ERC2: variants seen among roughly 807,000 people sequenced by gnomAD.
The protein encoded by ERC2 is ELKS/RAB6-interacting/CAST family member 2.
Under a neutral mutation model 114.8 loss-of-function variants are expected in ERC2, and 42 were observed. That is an observed-to-expected ratio of 0.37 (90% confidence interval 0.29 to 0.47). The LOEUF (loss-of-function observed/expected upper bound fraction) is 0.47, where lower values mean the gene tolerates loss of function less well. ERC2 is among the 20% of genes least tolerant of loss of function. The probability of loss-of-function intolerance (pLI) is 0.99; values close to 1 mark genes in which losing one functional copy is unlikely to be tolerated. For synonymous variants in ERC2, 454 were observed against 425.5 expected, an observed-to-expected ratio of 1.07 and a Z score of -0.82; for missense variants, 939 against 1,150.7, an observed-to-expected ratio of 0.82 and a Z score of 2.66.
intron 17 of ERC2, among the ~76,000 whole-genome samples, chr3:55,579,491 T>G (rs1047649554): frequency 6.6e-6 from 1 of 152,216 alleles, no homozygotes. Flanking sequence ...GGTCATGTTA[T>G]AATGAGGTTT....
chr3:55,771,505 A>G (rs1334124170), intron 14 of ERC2, among the ~76,000 whole-genome samples: 1 of 152,136 alleles, frequency 6.6e-6, no homozygotes, highest in Non-Finnish European at 1.5e-5. Flanking sequence ...TAGGACTTGA[A>G]CCCAGGTCTG....
intron 2 of ERC2, among the ~76,000 whole-genome samples, chr3:56,417,942 T>C (rs1189708011): frequency 6.6e-6 from 1 of 152,160 alleles, no homozygotes; most frequent in Admixed American, 6.5e-5. Context: ...GGTTCAAGAT[T>C]AGCACCAAGT....
chr3:55,891,846 T>C (rs1328925538), intron 13 of ERC2, among the ~76,000 whole-genome samples: 1 of 152,216 alleles, frequency 6.6e-6, no homozygotes, highest in Non-Finnish European at 1.5e-5. Context: ...TTTCTACTCT[T>C]GCAGACCACA....
At chr3:55,847,782 T>C (rs1190181358) in intron 14 of ERC2, among the ~76,000 whole-genome samples, 1 of 152,216 alleles carries the variant, frequency 6.6e-6, no homozygotes, top group African/African-American at 2.4e-5. Context: ...CTTCATTGCT[T>C]ATACATTTCT....
At chr3:55,703,736 G>T (rs1025224837) in intron 15 of ERC2, among the ~76,000 whole-genome samples, 1 of 152,232 alleles carries the variant, frequency 6.6e-6, no homozygotes, top group African/African-American at 2.4e-5. Context: ...CACATAAGAG[G>T]GAAGATGGGA....
At chr3:55,609,264 G>T (rs766002329) in intron 17 of ERC2, among the ~76,000 whole-genome samples, 3 of 152,114 alleles carry the variant, frequency 2.0e-5, no homozygotes, top group Non-Finnish European at 4.4e-5. Context: ...TCACCTGCAC[G>T]GCACAAGGTT....
At chr3:55,701,888 G>T (rs541584782) in intron 15 of ERC2, among the ~76,000 whole-genome samples, 1 of 152,296 alleles carries the variant, frequency 6.6e-6, no homozygotes, top group Non-Finnish European at 1.5e-5. Flanking sequence ...CTTCTAAATA[G>T]AATTCTGAGA....
At chr3:55,762,064 A>G (rs888517397) in intron 14 of ERC2, among the ~76,000 whole-genome samples, 3 of 150,132 alleles carry the variant, frequency 2.0e-5, no homozygotes, top group Non-Finnish European at 4.4e-5. Flanking sequence ...AGGGCTTCCC[A>G]GCCATGTGGA....
At chr3:56,018,866 A>C in intron 8 of ERC2, 28 bp downstream of exon 8, 1 of 1,604,066 alleles carries the variant, frequency 6.2e-7, no homozygotes, top group Non-Finnish European at 8.5e-7. Flanking sequence ...CCATATCCTG[A>C]TTCCCCAGTT....
intron 1 of ERC2, among the ~76,000 whole-genome samples, chr3:56,449,272 T>C (rs957297026): frequency 1.3e-5 from 2 of 151,864 alleles, no homozygotes; most frequent in African/African-American, 2.4e-5. Context: ...CTCAGGGTCA[T>C]TTAGGCAAGG....
At chr3:56,219,119 T>A (rs2049719534) in intron 3 of ERC2, among the ~76,000 whole-genome samples, 2 of 152,004 alleles carry the variant, frequency 1.3e-5, no homozygotes, top group Non-Finnish European at 2.9e-5. Context: ...ACATGTACCC[T>A]AAAACTTAAA....
At chr3:55,709,835 C>T (rs1013749516) in intron 15 of ERC2, among the ~76,000 whole-genome samples, 2 of 152,132 alleles carry the variant, frequency 1.3e-5, no homozygotes, top group Non-Finnish European at 2.9e-5. Flanking sequence ...TGGAGACAGC[C>T]AGGAGAGGCT....
At chr3:55,994,251 G>A (rs796991687) in intron 10 of ERC2, among the ~76,000 whole-genome samples, 4 of 152,182 alleles carry the variant, frequency 2.6e-5, no homozygotes, top group Non-Finnish European at 5.9e-5. Flanking sequence ...AAATGAATAC[G>A]TATATTTTGA....
intron 6 of ERC2, among the ~76,000 whole-genome samples, chr3:56,131,659 A>C (rs536615433): frequency 6.6e-6 from 1 of 152,308 alleles, no homozygotes; most frequent in South Asian, 2.1e-4. Context: ...TTATTGTTTA[A>C]AAGTAAACTG....
chr3:56,331,353 C>T (rs944558330), intron 2 of ERC2, among the ~76,000 whole-genome samples: 1 of 152,138 alleles, frequency 6.6e-6, no homozygotes, highest in Non-Finnish European at 1.5e-5. Flanking sequence ...ACCCATTGAC[C>T]TCCTCACTCT....
intron 17 of ERC2, among the ~76,000 whole-genome samples, chr3:55,604,486 C>G (rs948212680): frequency 6.6e-5 from 10 of 152,262 alleles, no homozygotes; most frequent in Middle Eastern, 6.8e-3. Context: ...TCCCTTTTCT[C>G]TATGTTCCTG....
At chr3:56,187,348 G>A (rs575718756) in intron 3 of ERC2, among the ~76,000 whole-genome samples, 2 of 152,294 alleles carry the variant, frequency 1.3e-5, no homozygotes, top group Admixed American at 6.5e-5. Context: ...GGTCTGAATT[G>A]GGCAAAATGA....
intron 3 of ERC2, among the ~76,000 whole-genome samples, chr3:56,295,108 T>C (rs1302721476): frequency 6.6e-6 from 1 of 152,216 alleles, no homozygotes; most frequent in African/African-American, 2.4e-5. Flanking sequence ...TCTGAACAGG[T>C]ATACTGCCAA....
At chr3:56,353,091 A>G (rs1442069776) in intron 2 of ERC2, among the ~76,000 whole-genome samples, 3 of 152,150 alleles carry the variant, frequency 2.0e-5, no homozygotes, top group Non-Finnish European at 4.4e-5. Context: ...GGGGTCTGTT[A>G]GAGTCTGTTA....
Sources: gnomAD v4.1 joint callset for allele counts (sites outside exome capture counted in the v4.1 genomes callset) on GRCh38, gnomAD v4.1.1 for gene constraint, MANE v1.5 for transcripts, NCBI Gene and HGNC (gene_info 2026-07-23, HGNC 2026-07-21) for gene names.